Variants in HTR1E observed in about 807,000 individuals in gnomAD.
The protein encoded by HTR1E is 5-HT-1E.
A neutral mutation model predicts 3.4 loss-of-function variants in HTR1E; 3 were observed. The observed-to-expected ratio is 0.89, with a 90% CI of 0.41 to 2.31. The LOEUF is 2.31. HTR1E is among the 30% of genes most tolerant of loss of function. The probability of loss-of-function intolerance (pLI) is 0.05; values close to 1 mark genes in which losing one functional copy is unlikely to be tolerated. For synonymous variants in HTR1E, 170 were observed against 182.8 expected, an observed-to-expected ratio of 0.93 and a Z score of 0.56; for missense variants, 392 against 467.0, an observed-to-expected ratio of 0.84 and a Z score of 1.48.
At chr6:86,942,769 C>A (rs1768563054) in intron 1 of HTR1E, among the ~76,000 whole-genome samples, 1 of 152,206 alleles carries the variant, frequency 6.6e-6, no homozygotes. Flanking sequence ...GTTTCTAAGA[C>A]CATCAAGGTT....
intron 1 of HTR1E, among the ~76,000 whole-genome samples, chr6:86,959,528 A>G (rs1399282546): frequency 2.6e-5 from 4 of 152,158 alleles, no homozygotes; most frequent in African/African-American, 9.7e-5. Context: ...GGCTACAGTG[A>G]GTGGAGATCC....
intron 1 of HTR1E, among the ~76,000 whole-genome samples, chr6:86,992,376 A>G (rs188947364): frequency 6.6e-6 from 1 of 152,160 alleles, no homozygotes; most frequent in Non-Finnish European, 1.5e-5. Context: ...CTTGTAATAC[A>G]TGTGGTATGG....
chr6:86,996,830 C>G (rs1279732721), intron 1 of HTR1E, among the ~76,000 whole-genome samples: 1 of 151,916 alleles, frequency 6.6e-6, no homozygotes, highest in Non-Finnish European at 1.5e-5. Flanking sequence ...GAATTAACAC[C>G]AGTTACACAA....
At chr6:86,966,638 C>T (rs1055881826) in intron 1 of HTR1E, among the ~76,000 whole-genome samples, 52 of 152,062 alleles carry the variant, frequency 3.4e-4, no homozygotes, top group Admixed American at 2.1e-3. Context: ...GTGTGTAAGA[C>T]GGTGTGGGAG....
intron 1 of HTR1E, among the ~76,000 whole-genome samples, chr6:86,977,986 G>A (rs1423370558): frequency 2.0e-5 from 3 of 152,034 alleles, no homozygotes. Flanking sequence ...CATTCTGTAG[G>A]TTGACTGTTT....
chr6:86,938,233 G>A (rs1768498024), intron 1 of HTR1E, among the ~76,000 whole-genome samples: 1 of 152,168 alleles, frequency 6.6e-6, no homozygotes, highest in South Asian at 2.1e-4. Flanking sequence ...GAAGAACTGT[G>A]TGATTTCAAA....
intron 1 of HTR1E, chr6:86,971,185 T>C (rs1767549714): frequency 2.0e-5 from 9 of 441,736 alleles, no homozygotes; most frequent in South Asian, 1.7e-4. Flanking sequence ...ATTATGGGAA[T>C]GAACTAAGGT....
chr6:87,010,022 A>C (rs1290294385), intron 1 of HTR1E, among the ~76,000 whole-genome samples: 1 of 91,352 alleles, frequency 1.1e-5, no homozygotes, highest in East Asian at 4.2e-4. Flanking sequence ...TGACCCCCCC[A>C]CCTCCCTCCC....
At chr6:86,974,733 T>C (rs187842129) in intron 1 of HTR1E, among the ~76,000 whole-genome samples, 8 of 152,358 alleles carry the variant, frequency 5.3e-5, no homozygotes, top group African/African-American at 1.4e-4. Context: ...TTTGAAACTT[T>C]TAACTTATTC....
In HTR1E at chr6:86,945,156, C is replaced by A. The variant is rs189426866; in HGVS notation, c.-186+7333C>A. ...GTTATTGCCCCGAAGGACCTTCCAA[C>A]GGACAGGATGTGTAAATAGATACAG... is the stretch of plus-strand genomic sequence containing the variant. On this transcript the variant is annotated intron_variant, in intron 1 of 1. Transcript: ENST00000305344. Among the ~76,000 whole-genome samples the A allele has an allele frequency of 7.2e-5, 11 of 152,232 alleles. No homozygotes were observed. In the East Asian group the frequency reaches 1.9e-3, roughly 27 times the overall value.
At chr6:86,994,550 G>A (rs1444587315) in intron 1 of HTR1E, among the ~76,000 whole-genome samples, 1 of 151,834 alleles carries the variant, frequency 6.6e-6, no homozygotes, top group Non-Finnish European at 1.5e-5. Flanking sequence ...CACTAATGAA[G>A]GATTCAATAC....
intron 1 of HTR1E, among the ~76,000 whole-genome samples, chr6:87,009,680 C>T (rs1287761576): frequency 1.8e-4 from 27 of 146,394 alleles, no homozygotes; most frequent in Admixed American, 1.0e-3. Context: ...GGCGGCTGGC[C>T]GGGCGGGGGG....
intron 1 of HTR1E, among the ~76,000 whole-genome samples, chr6:86,987,298 C>T (rs1334476701): frequency 6.6e-6 from 1 of 152,098 alleles, no homozygotes; most frequent in Non-Finnish European, 1.5e-5. Context: ...TTTTACTATA[C>T]TGTATATAAA....
chr6:86,943,639 C>T (rs565363943), intron 1 of HTR1E, among the ~76,000 whole-genome samples: 1 of 152,314 alleles, frequency 6.6e-6, no homozygotes, highest in African/African-American at 2.4e-5. Context: ...GCATGGGGCT[C>T]AAGCCCAAGC....
chr6:87,010,464 C>T (rs1267967754), intron 1 of HTR1E, among the ~76,000 whole-genome samples: 1 of 151,030 alleles, frequency 6.6e-6, no homozygotes, highest in African/African-American at 2.4e-5. Context: ...CCTCACCTCC[C>T]AGACGGGGTC....
Position 87,010,184 on chromosome 6 carries a change from GGGCC to G in HTR1E, c.-185-4964_-185-4961del, listed in dbSNP as rs1242976112. ...CGGACGGGGCGGCTGGCCGGGCGGG[GGGCC>G]GACCCCCCCACCTCCCTCCCGGATG... On this transcript the variant is annotated intron_variant, in intron 1 of 1. Transcript: ENST00000305344. 1.3e-4 allele frequency among the ~76,000 whole-genome samples: 15 copies of G among 112,596 alleles called. 2 individuals are homozygous for G. Among genetic ancestry groups the G allele is most frequent in the African/African-American group, 2.7e-4 (7 of 26,126 alleles). The allele number at this position is 112,596 out of a possible 152,430, so 73.9% of individuals were successfully genotyped here.
chr6:86,951,666 T>C (rs1767242182), intron 1 of HTR1E, among the ~76,000 whole-genome samples: 1 of 152,184 alleles, frequency 6.6e-6, no homozygotes, highest in Non-Finnish European at 1.5e-5. Context: ...AACTGATATT[T>C]ATACTCATTT....
chr6:86,973,541 A>G (rs1008758263), intron 1 of HTR1E, among the ~76,000 whole-genome samples: 2 of 152,190 alleles, frequency 1.3e-5, no homozygotes, highest in African/African-American at 4.8e-5. Flanking sequence ...GGCCATCAGC[A>G]TAGAGACTTT....
intron 1 of HTR1E, among the ~76,000 whole-genome samples, chr6:86,946,398 A>C (rs72912451): frequency 0.047 from 7,093 of 152,292 alleles, 219 homozygotes; most frequent in African/African-American, 0.069. Context: ...CTGGCTTTGT[A>C]GCCTAGAAGC....
Sources: allele counts gnomAD v4.1 joint callset (sites outside exome capture counted in the v4.1 genomes callset), GRCh38; gene constraint gnomAD v4.1.1; transcripts MANE v1.5; gene names NCBI Gene and HGNC (gene_info 2026-07-23, HGNC 2026-07-21).